The following VTI1A variants were observed in gnomAD, a reference collection of about 807,000 sequenced individuals.
VTI1A encodes the protein vesicle transport through interaction with t-SNAREs 1A.
A neutral mutation model predicts 34.9 loss-of-function variants in VTI1A; 22 were observed. That is an observed-to-expected ratio of 0.63 (90% CI 0.45 to 0.90). The LOEUF (loss-of-function observed/expected upper bound fraction) is 0.90. Among genes scored for constraint, VTI1A ranks in the 40% least tolerant of loss-of-function variants. The pLI is 0.00. For synonymous variants in VTI1A, 87 were observed against 97.3 expected (o/e 0.89, Z 0.62); for missense variants, 268 against 275.6 (o/e 0.97, Z 0.20).
chr10:112,680,183 A>G (rs1346702643), intron 7 of VTI1A, among the ~76,000 whole-genome samples: 1 of 152,214 alleles, frequency 6.6e-6, no homozygotes, highest in African/African-American at 2.4e-5. Context: ...AAGACACTGA[A>G]AACTCAAGGA....
intron 7 of VTI1A, among the ~76,000 whole-genome samples, chr10:112,746,087 A>T (rs893167421): frequency 1.1e-4 from 16 of 152,210 alleles, no homozygotes; most frequent in Non-Finnish European, 1.5e-4. Flanking sequence ...GTCTCAAAAC[A>T]GGTTTGCTGT....
intron 5 of VTI1A, among the ~76,000 whole-genome samples, chr10:112,542,137 A>T: frequency 6.6e-6 from 1 of 152,196 alleles, no homozygotes; most frequent in East Asian, 1.9e-4. Context: ...CTTTTCTCTG[A>T]AGTAAATATC....
intron 5 of VTI1A, among the ~76,000 whole-genome samples, chr10:112,560,870 T>A (rs1250915337): frequency 6.6e-6 from 1 of 152,094 alleles, no homozygotes; most frequent in Admixed American, 6.5e-5. Context: ...GTGCTGGGAT[T>A]ACAGGCGTGA....
intron 5 of VTI1A, among the ~76,000 whole-genome samples, chr10:112,618,524 T>G (rs912740): frequency 0.84 from 30,117 of 35,658 alleles, 12,818 homozygotes; most frequent in Non-Finnish European, 0.86. Flanking sequence ...TATATATATA[T>G]AGAGAGAGAG....
intron 7 of VTI1A, among the ~76,000 whole-genome samples, chr10:112,739,001 A>G (rs1471980221): frequency 6.6e-6 from 1 of 152,180 alleles, no homozygotes; most frequent in Non-Finnish European, 1.5e-5. Context: ...GCAGCCCCTC[A>G]GGGTCAGAGG....
chr10:112,821,826 C>T (rs1001498803), downstream of VTI1A, among the ~76,000 whole-genome samples: 2 of 152,136 alleles, frequency 1.3e-5, no homozygotes, highest in Non-Finnish European at 2.9e-5. Flanking sequence ...CTCCCTGAGC[C>T]TCTGACCAGA....
At chr10:112,542,606 A>G (rs1201377427) in intron 5 of VTI1A, among the ~76,000 whole-genome samples, 3 of 152,138 alleles carry the variant, frequency 2.0e-5, no homozygotes, top group Admixed American at 2.0e-4. Flanking sequence ...TGTCCTGATG[A>G]CTGAACATAT....
chr10:112,471,451 A>G, intron 3 of VTI1A, among the ~76,000 whole-genome samples: 1 of 148,816 alleles, frequency 6.7e-6, no homozygotes. Context: ...GAAGTTAGGA[A>G]TATTAGGTTC....
At chr10:112,560,087 G>A (rs1011418086) in intron 5 of VTI1A, among the ~76,000 whole-genome samples, 7 of 152,194 alleles carry the variant, frequency 4.6e-5, no homozygotes, top group Non-Finnish European at 7.3e-5. Flanking sequence ...TCCATTGAGT[G>A]TATGATCTTG....
chr10:112,672,492 ACT>A (rs1847886658), intron 7 of VTI1A, among the ~76,000 whole-genome samples: 1 of 152,164 alleles, frequency 6.6e-6, no homozygotes, highest in Admixed American at 6.5e-5. Context: ...TCATTTCCTA[ACT>A]CTGTAGACAG....
intron 7 of VTI1A, among the ~76,000 whole-genome samples, chr10:112,692,516 C>T (rs546562889): frequency 6.6e-6 from 1 of 152,286 alleles, no homozygotes; most frequent in East Asian, 1.9e-4. Context: ...CCCACACTGA[C>T]CTACCTTATT....
At chr10:112,673,634 G>A (rs1054453677) in intron 7 of VTI1A, among the ~76,000 whole-genome samples, 6 of 152,234 alleles carry the variant, frequency 3.9e-5, no homozygotes, top group African/African-American at 1.4e-4. Context: ...AGTTGACCTA[G>A]CCAGGACCAT....
chr10:112,521,114 C>G (rs927577781), intron 3 of VTI1A, among the ~76,000 whole-genome samples: 1 of 151,970 alleles, frequency 6.6e-6, no homozygotes, highest in Non-Finnish European at 1.5e-5. Flanking sequence ...CACCTTCCAG[C>G]GAATGAGCTT....
chr10:112,642,365 T>C (rs893354926), intron 5 of VTI1A, among the ~76,000 whole-genome samples: 1 of 152,062 alleles, frequency 6.6e-6, no homozygotes, highest in Non-Finnish European at 1.5e-5. Context: ...GATCCCCCCC[T>C]CTCCATCAGT....
chr10:112,680,304 ATTTT>A (rs913551652), intron 7 of VTI1A, among the ~76,000 whole-genome samples: 2 of 152,118 alleles, frequency 1.3e-5, no homozygotes, highest in Non-Finnish European at 2.9e-5. Flanking sequence ...CACATATATT[ATTTT>A]TTTAAGTTAT....
chr10:112,717,398 A>C (rs1849646590), intron 7 of VTI1A, among the ~76,000 whole-genome samples: 2 of 152,130 alleles, frequency 1.3e-5, no homozygotes, highest in Admixed American at 1.3e-4. Flanking sequence ...GCGGGTTAGG[A>C]AAATCAGGGG....
At chr10:112,502,767 T>C (rs1273839467) in intron 3 of VTI1A, among the ~76,000 whole-genome samples, 1 of 152,232 alleles carries the variant, frequency 6.6e-6, no homozygotes, top group African/African-American at 2.4e-5. Context: ...CGTGACCTTT[T>C]CAAGAAAGTG....
Position 112,753,367 on chromosome 10 carries a change from A to G in VTI1A, c.561-61923A>G, listed in dbSNP as rs111936727. On this transcript the variant is annotated intron_variant, in intron 7 of 7. Transcript: ENST00000393077. Reference sequence around the variant, plus strand: ...TTTTGTCAACTCTAGAAAGGGATTAAGTTTGTCTTTTATTTTTTGTTTTTT... The same window carrying G: ...TTTTGTCAACTCTAGAAAGGGATTAGGTTTGTCTTTTATTTTTTGTTTTTT... Among the ~76,000 whole-genome samples, 22 of 152,246 alleles carry G rather than the reference A, an allele frequency of 1.4e-4. 1 individual carries two copies. The highest frequency in any genetic ancestry group is 5.3e-4 in the African/African-American group (22 of 41,562).
chr10:112,667,703 A>G (rs934992195), intron 5 of VTI1A, among the ~76,000 whole-genome samples: 1 of 152,194 alleles, frequency 6.6e-6, no homozygotes, highest in Non-Finnish European at 1.5e-5. Context: ...GAAGAGAGCA[A>G]AAGCCTAGAG....
Sources: gnomAD v4.1 joint callset for allele counts (sites outside exome capture counted in the v4.1 genomes callset) on GRCh38, gnomAD v4.1.1 for gene constraint, MANE v1.5 for transcripts, NCBI Gene and HGNC (gene_info 2026-07-23, HGNC 2026-07-21) for gene names.